SGCD: variants seen among roughly 807,000 people sequenced by gnomAD.
SGCD encodes the protein delta-sarcoglycan.
SGCD carries 18 observed loss-of-function variants against 36.6 expected under a neutral mutation model. The ratio of observed to expected loss-of-function variants is 0.49; its 90% confidence interval spans 0.34 to 0.73. SGCD has a LOEUF of 0.73. Among genes scored for constraint, SGCD ranks in the 30% least tolerant of loss-of-function variants. The probability of loss-of-function intolerance (pLI) is 0.01; values close to 1 mark genes in which losing one functional copy is unlikely to be tolerated. For synonymous variants in SGCD, 133 were observed against 130.6 expected, an observed-to-expected ratio of 1.02 and a Z score of -0.12; for missense variants, 387 against 346.7, an observed-to-expected ratio of 1.12 and a Z score of -0.92.
chr5:156,538,766 G>A (rs1383928039), intron 4 of SGCD, among the ~76,000 whole-genome samples: 1 of 151,960 alleles, frequency 6.6e-6, no homozygotes, highest in Admixed American at 6.6e-5. Context: ...AAGAGGAACT[G>A]GAGAACAGAG....
chr5:155,920,660 C>T (rs889833776), intron 1 of SGCD, among the ~76,000 whole-genome samples: 1 of 152,150 alleles, frequency 6.6e-6, no homozygotes, highest in Non-Finnish European at 1.5e-5. Flanking sequence ...AGGCTCTTGC[C>T]TTCTTGGGCC....
At chr5:155,959,136 A>G (rs905375780) in intron 1 of SGCD, among the ~76,000 whole-genome samples, 2 of 152,160 alleles carry the variant, frequency 1.3e-5, no homozygotes, top group East Asian at 3.9e-4. Flanking sequence ...CCACTTGGCT[A>G]CAGTGAGGTC....
At chr5:155,867,773 G>C (rs149611159), upstream of SGCD, among the ~76,000 whole-genome samples, 1 of 152,150 alleles carries the variant, frequency 6.6e-6, no homozygotes, top group Non-Finnish European at 1.5e-5. Flanking sequence ...TATTCTCTAG[G>C]CTTGACATAC....
chr5:155,823,275 T>C, the SGCD span, among the ~76,000 whole-genome samples: 1 of 139,566 alleles, frequency 7.2e-6, no homozygotes, highest in Admixed American at 7.8e-5. Context: ...CAGGACAAGA[T>C]GAGCTGTCCC....
rs1753398227 is a variant in SGCD at position 156,673,716 on chromosome 5, T to C, written c.575+26180T>C. 2.0e-5 allele frequency among the ~76,000 whole-genome samples: 3 copies of C among 152,212 alleles called. No homozygotes were observed. The South Asian group carries it at 6.2e-4, about 32-fold the overall frequency. The stretch of plus-strand genomic sequence containing the variant: ...AATAGATGCTAATAAATTCAGGGTC[T>C]TAAAAATGTGAATTATAGTCACTTC... On this transcript the variant is annotated intron_variant, in intron 7 of 8. Coordinates refer to ENST00000337851, the MANE Select transcript of SGCD (RefSeq NM_000337.6).
At chr5:155,783,887 G>A in the SGCD span, among the ~76,000 whole-genome samples, 1 of 152,180 alleles carries the variant, frequency 6.6e-6, no homozygotes, top group African/African-American at 2.4e-5. Context: ...GAGGAAACAA[G>A]AAAGGTTGAA....
chr5:156,700,452 A>G (rs1294867986), intron 7 of SGCD, among the ~76,000 whole-genome samples: 1 of 152,144 alleles, frequency 6.6e-6, no homozygotes, highest in Non-Finnish European at 1.5e-5. Context: ...TGTGACTACC[A>G]TCTACTTTCC....
the SGCD span, among the ~76,000 whole-genome samples, chr5:155,858,275 T>G: frequency 6.6e-6 from 1 of 152,204 alleles, no homozygotes; most frequent in African/African-American, 2.4e-5. Flanking sequence ...TTGATATCCA[T>G]CTCTACAAGC....
chr5:156,337,930 G>A (rs1290788516), intron 2 of SGCD, among the ~76,000 whole-genome samples: 1 of 152,152 alleles, frequency 6.6e-6, no homozygotes, highest in Non-Finnish European at 1.5e-5. Flanking sequence ...TAACTGAACA[G>A]AGAACTGCAC....
intron 3 of SGCD, among the ~76,000 whole-genome samples, chr5:156,155,563 C>T (rs566315845): frequency 4.8e-5 from 7 of 145,872 alleles, no homozygotes; most frequent in African/African-American, 1.8e-4. Flanking sequence ...AAAGAAACAC[C>T]AACACCAAAT....
chr5:156,490,244 G>C (rs1054342330), intron 3 of SGCD, among the ~76,000 whole-genome samples: 3 of 151,972 alleles, frequency 2.0e-5, no homozygotes, highest in African/African-American at 7.2e-5. Context: ...ATGAGCCCAG[G>C]ACGAGATGCC....
At chr5:156,093,952 C>T (rs1761311969) in intron 1 of SGCD, among the ~76,000 whole-genome samples, 1 of 152,168 alleles carries the variant, frequency 6.6e-6, no homozygotes, top group South Asian at 2.1e-4. Flanking sequence ...TTGTTTTCAT[C>T]TAAGCCACCC....
intron 6 of SGCD, among the ~76,000 whole-genome samples, chr5:156,602,493 G>A (rs188195221): frequency 2.0e-4 from 31 of 151,928 alleles, no homozygotes; most frequent in African/African-American, 4.3e-4. Flanking sequence ...CCTGTACTTC[G>A]TTGAATACAA....
intron 6 of SGCD, among the ~76,000 whole-genome samples, chr5:156,604,719 G>A (rs10213763): frequency 4.3e-5 from 1 of 23,410 alleles, no homozygotes. Flanking sequence ...TGAAATATAT[G>A]CACATTATAT....
the SGCD span, among the ~76,000 whole-genome samples, chr5:155,775,657 G>A: frequency 1.3e-5 from 2 of 151,952 alleles, no homozygotes; most frequent in African/African-American, 4.8e-5. Flanking sequence ...CTTTATTTTA[G>A]AAATAAGCAA....
intron 1 of SGCD, among the ~76,000 whole-genome samples, chr5:156,092,665 G>C (rs1019990107): frequency 3.9e-5 from 6 of 152,206 alleles, no homozygotes; most frequent in Non-Finnish European, 8.8e-5. Flanking sequence ...CTCAGGGTGA[G>C]TGAGTAGTAT....
At chr5:156,185,450 G>A (rs1202813282) in intron 3 of SGCD, among the ~76,000 whole-genome samples, 9 of 151,968 alleles carry the variant, frequency 5.9e-5, no homozygotes, top group East Asian at 3.9e-4. Flanking sequence ...TCCTGACCTT[G>A]TGATCCGCCC....
chr5:156,214,106 G>T (rs1419729275), intron 3 of SGCD, among the ~76,000 whole-genome samples: 1 of 151,898 alleles, frequency 6.6e-6, no homozygotes, highest in Non-Finnish European at 1.5e-5. Flanking sequence ...CCTAGCCTGG[G>T]TAAGTAGACA....
intron 4 of SGCD, among the ~76,000 whole-genome samples, chr5:156,533,577 T>C (rs1367696810): frequency 1.3e-5 from 2 of 152,204 alleles, no homozygotes; most frequent in Non-Finnish European, 2.9e-5. Context: ...AAATTCTAAA[T>C]TTCCAAAGAC....
Sources: allele counts gnomAD v4.1 joint callset (sites outside exome capture counted in the v4.1 genomes callset), GRCh38; gene constraint gnomAD v4.1.1; transcripts MANE v1.5; gene names NCBI Gene and HGNC (gene_info 2026-07-23, HGNC 2026-07-21).